The following OR56A1 variants were observed in gnomAD, a reference collection of about 807,000 sequenced individuals.
OR56A1 encodes olfactory receptor 56A1.
For missense variants in OR56A1, 360 were observed against 380.9 expected (o/e 0.94, Z 0.46); for synonymous variants, 174 against 159.1 (o/e 1.09, Z -0.70).
Position 6,024,237 on chromosome 11 carries a change from C to T in OR56A1, c.*2511G>A, listed in dbSNP as rs563154456. On this transcript the variant is annotated 3_prime_UTR_variant, in exon 2 of 2. Transcript: ENST00000641900. ...TGTGCTAGTTACTGTGAGGGGTGAT[C>T]ACTGTTGTCCCACTGCTGTCTTGGT... The T allele has an allele frequency of 6.6e-6, 1 of 152,364 alleles. No individual in the cohort carries two copies. The highest frequency in any genetic ancestry group is 1.9e-4 in the East Asian group (1 of 5,194). 9.4% of individuals were successfully genotyped at this position (152,364 alleles called of 1,614,324 possible).
rs1848401416 is a variant in OR56A1 at position 6,022,001 on chromosome 11, G to T, written c.*4747C>A. On this transcript the variant is annotated 3_prime_UTR_variant, in exon 2 of 2. Transcript: ENST00000641900. The stretch of plus-strand genomic sequence containing the variant: ...AGAGAAATCACAATGGGATCTGATG[G>T]AGAAGGCCACACACATCTGTAGGTC... 6.6e-6 allele frequency: 1 copy of T among 152,164 alleles called. No individual in the cohort carries two copies. Among genetic ancestry groups the T allele is most frequent in the African/African-American group, 2.4e-5 (1 of 41,452 alleles). The allele number at this position is 152,164 out of a possible 1,614,324, so 9.4% of individuals were successfully genotyped here.
At chr11:6,030,103 A>AT (rs1285308177) in intron 1 of OR56A1, among the ~76,000 whole-genome samples, 6 of 152,082 alleles carry the variant, frequency 3.9e-5, no homozygotes, top group Non-Finnish European at 7.4e-5. Context: ...AAGACATGTC[A>AT]TTTTCCCTTT....
At position 6,023,109 on chromosome 11, in the gene OR56A1, A is replaced by T. The variant is rs980154512; in HGVS notation, c.*3639T>A. ...GGACTTGTCACGTTCTCTTTCAAAC[A>T]CCTGAGACTGAGAACTGGCATTCAA... On this transcript the variant is annotated 3_prime_UTR_variant, in exon 2 of 2. Coordinates refer to ENST00000641900, the MANE Select transcript of OR56A1 (RefSeq NM_001388488.1). The T allele has an allele frequency of 6.6e-6, 1 of 152,162 alleles. No homozygotes were observed. Among genetic ancestry groups the T allele is most frequent in the Admixed American group, 6.5e-5 (1 of 15,276 alleles). 9.4% of individuals were successfully genotyped at this position (152,162 alleles called of 1,614,324 possible). A position where few individuals can be genotyped will look rare whatever the true frequency, so the allele number is the denominator to read the frequency against.
At position 6,021,023 on chromosome 11, in the gene OR56A1, T is replaced by G. The variant is rs1253869876; in HGVS notation, c.*5725A>C. 6.6e-6 allele frequency: 1 copy of G among 152,042 alleles called. No homozygotes were observed. 9.4% of individuals were successfully genotyped at this position (152,042 alleles called of 1,614,324 possible). Reference sequence around the variant, plus strand: ...AGTTAGATGATGTGTATAGCAGTCCTTCTCAAGTCTGACAGCCTTAAAATA... The same window carrying G: ...AGTTAGATGATGTGTATAGCAGTCCGTCTCAAGTCTGACAGCCTTAAAATA... On this transcript the variant is annotated 3_prime_UTR_variant, in exon 2 of 2. Coordinates refer to ENST00000641900, the MANE Select transcript of OR56A1 (RefSeq NM_001388488.1).
chr11:6,028,328 A>G (rs193169528), intron 1 of OR56A1, among the ~76,000 whole-genome samples: 8 of 151,760 alleles, frequency 5.3e-5, no homozygotes, highest in African/African-American at 1.9e-4. Flanking sequence ...AGAAGAGGCT[A>G]GTTTTACTAT....
At position 6,021,023 on chromosome 11, in the gene OR56A1, T is replaced by A. The variant is rs1253869876; in HGVS notation, c.*5725A>T. 6.6e-6 allele frequency: 1 copy of A among 152,042 alleles called. No homozygotes were observed. Among genetic ancestry groups the A allele is most frequent in the Admixed American group, 6.6e-5 (1 of 15,252 alleles). 9.4% of individuals were successfully genotyped at this position (152,042 alleles called of 1,614,324 possible). On this transcript the variant is annotated 3_prime_UTR_variant, in exon 2 of 2. Transcript: ENST00000641900. The stretch of plus-strand genomic sequence containing the variant: ...AGTTAGATGATGTGTATAGCAGTCC[T>A]TCTCAAGTCTGACAGCCTTAAAATA...
upstream of OR56A1, among the ~76,000 whole-genome samples, chr11:6,033,706 A>T (rs911565903): frequency 4.6e-5 from 7 of 152,092 alleles, no homozygotes; most frequent in African/African-American, 1.7e-4. Flanking sequence ...ATCAATGATA[A>T]CATTAACATT....
rs1294772588 is a variant in OR56A1, at chr11:6,026,670, C to T, written c.*78G>A. ...AGTGCATGCAATAAACACTCACTAA[C>T]TGACATTTCTCTACTTCGCTGCCTA... is the stretch of plus-strand genomic sequence containing the variant. On this transcript the variant is annotated 3_prime_UTR_variant, in exon 2 of 2. Coordinates refer to ENST00000641900, the MANE Select transcript of OR56A1 (RefSeq NM_001388488.1). The T allele has an allele frequency of 2.3e-6, 2 of 878,792 alleles. No homozygotes were observed. Among genetic ancestry groups the T allele is most frequent in the East Asian group, 4.8e-5 (2 of 41,284 alleles). The allele number at this position is 878,792 out of a possible 1,614,324, so 54.4% of individuals were successfully genotyped here.
Position 6,026,589 on chromosome 11 carries a change from T to A in OR56A1, c.*159A>T. ...TTTCTTCCCCTTGCCTACCTCCACCTGAACTAGGCAAGGAAAGTAAAGGAA... is the reference window on the plus strand; with the variant it reads ...TTTCTTCCCCTTGCCTACCTCCACCAGAACTAGGCAAGGAAAGTAAAGGAA... On this transcript the variant is annotated 3_prime_UTR_variant, in exon 2 of 2. Coordinates refer to ENST00000641900, the MANE Select transcript of OR56A1 (RefSeq NM_001388488.1). The A allele has an allele frequency of 1.8e-6, 1 of 563,666 alleles. No homozygotes were observed. The highest frequency in any genetic ancestry group is 3.1e-6 in the Non-Finnish European group (1 of 322,614). 34.9% of individuals were successfully genotyped at this position (563,666 alleles called of 1,614,324 possible). A position where few individuals can be genotyped will look rare whatever the true frequency, so the allele number is the denominator to read the frequency against.
intron 1 of OR56A1, among the ~76,000 whole-genome samples, chr11:6,029,907 G>T (rs1177036978): frequency 1.3e-5 from 2 of 152,078 alleles, no homozygotes; most frequent in Non-Finnish European, 2.9e-5. Context: ...CCTACTTTAT[G>T]TATCAACCTG....
In OR56A1 at chr11:6,021,409, C is replaced by T. The variant is rs1423530254; in HGVS notation, c.*5339G>A. ...TAGAAGAAAGAATATTGAATATACCCAACACAAAGTAATGATAAATGTTTG... is the reference window on the plus strand; with the variant it reads ...TAGAAGAAAGAATATTGAATATACCTAACACAAAGTAATGATAAATGTTTG... On this transcript the variant is annotated 3_prime_UTR_variant, in exon 2 of 2. Coordinates refer to ENST00000641900, the MANE Select transcript of OR56A1 (RefSeq NM_001388488.1). The T allele has an allele frequency of 6.6e-6, 1 of 151,886 alleles. No homozygotes were observed. The highest frequency in any genetic ancestry group is 1.5e-5 in the Non-Finnish European group (1 of 67,918). 9.4% of individuals were successfully genotyped at this position (151,886 alleles called of 1,614,324 possible).
In OR56A1 at chr11:6,025,135, C is replaced by T. The variant is rs1473956337; in HGVS notation, c.*1613G>A. The T allele has an allele frequency of 1.3e-5, 2 of 152,242 alleles. No homozygotes were observed. Among genetic ancestry groups the T allele is most frequent in the South Asian group, 2.1e-4 (1 of 4,830 alleles). 9.4% of individuals were successfully genotyped at this position (152,242 alleles called of 1,614,324 possible). On this transcript the variant is annotated 3_prime_UTR_variant, in exon 2 of 2. Coordinates refer to ENST00000641900, the MANE Select transcript of OR56A1 (RefSeq NM_001388488.1). ...GATGTCATGTTTCTCCACCCACCTG[C>T]ACTAGGGGACTTGATTCTGACTCTA... is the stretch of plus-strand genomic sequence containing the variant.
rs943013927 is a variant in OR56A1, at chr11:6,019,472, T to G, written c.*7276A>C. The G allele has an allele frequency of 1.3e-5, 2 of 152,342 alleles. No homozygotes were observed. The highest frequency in any genetic ancestry group is 4.8e-5 in the African/African-American group (2 of 41,460). 9.4% of individuals were successfully genotyped at this position (152,342 alleles called of 1,614,324 possible). On this transcript the variant is annotated 3_prime_UTR_variant, in exon 2 of 2. Coordinates refer to ENST00000641900, the MANE Select transcript of OR56A1 (RefSeq NM_001388488.1). Reference sequence around the variant, plus strand: ...AATTTACAAAAGAAATAGGTTTAATTGGACTTACAGTTCCACATGGCTGGG... The same window carrying G: ...AATTTACAAAAGAAATAGGTTTAATGGGACTTACAGTTCCACATGGCTGGG...
At chr11:6,033,740 G>C (rs1848533580), upstream of OR56A1, among the ~76,000 whole-genome samples, 1 of 151,932 alleles carries the variant, frequency 6.6e-6, no homozygotes, top group Non-Finnish European at 1.5e-5. Context: ...TAGGGGAAAA[G>C]GGCAAAATAA....
chr11:6,021,769 A>G lies in OR56A1; in HGVS notation c.*4979T>C, dbSNP rs974174983. 6.6e-6 allele frequency: 1 copy of G among 152,270 alleles called. No homozygotes were observed. The highest frequency in any genetic ancestry group is 2.1e-4 in the South Asian group (1 of 4,832). 9.4% of individuals were successfully genotyped at this position (152,270 alleles called of 1,614,324 possible). ...AGCAATGATCAGGACATTGAAAACA[A>G]TGATCAGGAGAGTTCCTCCTAGAGA... On this transcript the variant is annotated 3_prime_UTR_variant, in exon 2 of 2. Coordinates refer to ENST00000641900, the MANE Select transcript of OR56A1 (RefSeq NM_001388488.1).
At chr11:6,033,663 A>G (rs183474464), upstream of OR56A1, among the ~76,000 whole-genome samples, 2 of 152,044 alleles carry the variant, frequency 1.3e-5, no homozygotes, top group African/African-American at 4.8e-5. Context: ...TCATTTTTAC[A>G]TTGTATGTGT....
chr11:6,027,751 G>T, intron 1 of OR56A1, 25 bp from the exon 2 acceptor site: 2 of 1,345,974 alleles, frequency 1.5e-6, no homozygotes, highest in Non-Finnish European at 2.0e-6. Flanking sequence ...AGATACAAGA[G>T]GTTATTTTTA....
At chr11:6,027,952 G>T (rs929776027) in intron 1 of OR56A1, among the ~76,000 whole-genome samples, 2 of 151,704 alleles carry the variant, frequency 1.3e-5, no homozygotes, top group Non-Finnish European at 2.9e-5. Context: ...AAAAAAAAGG[G>T]TAGTGACAGG....
rs1848379629 is a variant in OR56A1, at chr11:6,020,056, T to C, written c.*6692A>G. On this transcript the variant is annotated 3_prime_UTR_variant, in exon 2 of 2. Transcript: ENST00000641900. ...GACTTTTTCAGAAAATGTATCAAGG[T>C]TTATTTTTTCCAAGAGTATTGACTC... 6.6e-6 allele frequency: 1 copy of C among 152,046 alleles called. No individual in the cohort carries two copies. The highest frequency in any genetic ancestry group is 1.5e-5 in the Non-Finnish European group (1 of 67,968). 9.4% of individuals were successfully genotyped at this position (152,046 alleles called of 1,614,324 possible).
Sources: gnomAD v4.1 joint callset for allele counts (sites outside exome capture counted in the v4.1 genomes callset) on GRCh38, gnomAD v4.1.1 for gene constraint, MANE v1.5 for transcripts, NCBI Gene and HGNC (gene_info 2026-07-23, HGNC 2026-07-21) for gene names.